DLC1: variants seen among roughly 807,000 people sequenced by gnomAD.
The protein encoded by DLC1 is DLC1 Rho GTPase activating protein, also known as rho GTPase-activating protein 7.
DLC1 carries 54 observed loss-of-function variants against 140.3 expected under a neutral mutation model. The observed-to-expected ratio is 0.38, with a 90% CI of 0.31 to 0.48. The LOEUF is 0.48. Ranked by LOEUF, DLC1 falls within the 20% of genes least tolerant of loss-of-function variation. The pLI is 0.96. For synonymous variants in DLC1, 986 were observed against 728.1 expected (o/e 1.35, Z -5.70); for missense variants, 2,536 against 1,907.0 (o/e 1.33, Z -6.14).
At position 13,085,107 on chromosome 8, in the gene DLC1, C is replaced by G. The variant is rs1455002426; in HGVS notation, c.*704G>C. On this transcript the variant is annotated 3_prime_UTR_variant, in exon 18 of 18. Transcript: ENST00000276297. Reference sequence around the variant, plus strand: ...CATTTGGAATGGGTGTAAGAGCCAACCTATTACAATCAAAGTACAGAAGAG... The same window carrying G: ...CATTTGGAATGGGTGTAAGAGCCAAGCTATTACAATCAAAGTACAGAAGAG... 2 of 152,084 alleles carry G rather than the reference C, an allele frequency of 1.3e-5. No homozygotes were observed. Among genetic ancestry groups the G allele is most frequent in the Non-Finnish European group, 2.9e-5 (2 of 68,032 alleles). The allele number at this position is 152,084 out of a possible 1,614,324, so 9.4% of individuals were successfully genotyped here. A position where few individuals can be genotyped will look rare whatever the true frequency, so the allele number is the denominator to read the frequency against.
At chr8:13,569,988 A>C (rs1304212401) in intron 1 of DLC1, among the ~76,000 whole-genome samples, 1 of 152,204 alleles carries the variant, frequency 6.6e-6, no homozygotes, top group Non-Finnish European at 1.5e-5. Context: ...AGCCTTCCCA[A>C]GTGCTGGGAT....
chr8:13,219,197 A>ATTATAATAT (rs1563174470), intron 5 of DLC1, among the ~76,000 whole-genome samples: 10 of 131,026 alleles, frequency 7.6e-5, no homozygotes, highest in South Asian at 4.7e-4. Context: ...TAACTATATA[A>ATTATAATAT]GAATATAATT....
chr8:13,457,561 G>T (rs28655169), intron 2 of DLC1, among the ~76,000 whole-genome samples: 1 of 150,632 alleles, frequency 6.6e-6, no homozygotes, highest in Admixed American at 6.6e-5. Context: ...CCTGTAGCCC[G>T]AGCTACTCGG....
At chr8:13,545,509 TGCATTGTATGACAA>T (rs1389739052) in intron 1 of DLC1, among the ~76,000 whole-genome samples, 17 of 152,064 alleles carry the variant, frequency 1.1e-4, no homozygotes, top group African/African-American at 4.1e-4. Flanking sequence ...TGGATCATGA[TGCATTGTATGACAA>T]GGTTTACTCT....
chr8:13,568,591 T>G (rs2117404355), intron 1 of DLC1, among the ~76,000 whole-genome samples: 1 of 152,212 alleles, frequency 6.6e-6, no homozygotes, highest in East Asian at 1.9e-4. Flanking sequence ...TGGAAATGAA[T>G]AAGAAGAGAA....
At chr8:13,529,842 A>AT (rs991118808) in intron 1 of DLC1, among the ~76,000 whole-genome samples, 14 of 152,012 alleles carry the variant, frequency 9.2e-5, no homozygotes, top group African/African-American at 2.7e-4. Context: ...ATAACAATAT[A>AT]TTTTTTTTCT....
chr8:13,327,475 T>G (rs1298670634), intron 4 of DLC1, among the ~76,000 whole-genome samples: 1 of 139,492 alleles, frequency 7.2e-6, no homozygotes, highest in East Asian at 2.0e-4. Flanking sequence ...TTCTGGCATT[T>G]TTTTTTCTTT....
At chr8:13,427,938 T>C (rs1335847826) in intron 2 of DLC1, among the ~76,000 whole-genome samples, 1 of 152,178 alleles carries the variant, frequency 6.6e-6, no homozygotes, top group Non-Finnish European at 1.5e-5. Flanking sequence ...CATTCCACAC[T>C]CTGACTGCTT....
chr8:13,150,486 C>G (rs1227095857), intron 5 of DLC1, among the ~76,000 whole-genome samples: 5 of 152,018 alleles, frequency 3.3e-5, no homozygotes, highest in African/African-American at 9.7e-5. Context: ...GGTGTGTAAC[C>G]CTTATCATGT....
At chr8:13,120,370 T>TATATATATATAAAA (rs369581778) in intron 5 of DLC1, among the ~76,000 whole-genome samples, 16 of 110,866 alleles carry the variant, frequency 1.4e-4, no homozygotes, top group East Asian at 5.3e-4. Context: ...TATATATATA[T>TATATATATATAAAA]AAAATGTATA....
At chr8:13,506,581 G>GTATATATATATATATA (rs36209609) in intron 1 of DLC1, among the ~76,000 whole-genome samples, 9 of 131,076 alleles carry the variant, frequency 6.9e-5, no homozygotes, top group African/African-American at 2.9e-4. Flanking sequence ...GTGTGTGTGT[G>GTATATATATATATATA]TATATATATA....
intron 5 of DLC1, among the ~76,000 whole-genome samples, chr8:13,154,221 T>C (rs1585787573): frequency 6.6e-6 from 1 of 152,232 alleles, no homozygotes; most frequent in Non-Finnish European, 1.5e-5. Context: ...CTTGCGCTCC[T>C]CAGCCCTCGG....
chr8:13,226,279 C>G (rs1237876022), intron 5 of DLC1, among the ~76,000 whole-genome samples: 1 of 152,100 alleles, frequency 6.6e-6, no homozygotes, highest in Non-Finnish European at 1.5e-5. Context: ...TTGGAAATTT[C>G]TCTAGAAAAT....
intron 5 of DLC1, among the ~76,000 whole-genome samples, chr8:13,211,819 CA>C (rs1310670777): frequency 2.6e-5 from 4 of 152,078 alleles, no homozygotes; most frequent in Admixed American, 6.5e-5. Context: ...GAAAAGAAAA[CA>C]AACCCCCAAA....
intron 1 of DLC1, among the ~76,000 whole-genome samples, chr8:13,523,756 T>C (rs1285054269): frequency 6.6e-6 from 1 of 152,000 alleles, no homozygotes; most frequent in Non-Finnish European, 1.5e-5. Flanking sequence ...GAGACACAAA[T>C]AAAGGAGAGA....
chr8:13,446,505 A>G (rs1451392109), intron 2 of DLC1, among the ~76,000 whole-genome samples: 1 of 152,024 alleles, frequency 6.6e-6, no homozygotes, highest in East Asian at 1.9e-4. Flanking sequence ...CATACACTGG[A>G]GCCAGTGAAC....
chr8:13,567,904 C>G (rs1343300562), intron 1 of DLC1: 4 of 1,551,852 alleles, frequency 2.6e-6, no homozygotes, highest in East Asian at 2.4e-5. Flanking sequence ...TCTCAAGCGA[C>G]TTACTCTAAT....
chr8:13,388,241 T>A (rs987104459), intron 4 of DLC1, among the ~76,000 whole-genome samples: 2 of 151,988 alleles, frequency 1.3e-5, no homozygotes, highest in Admixed American at 6.6e-5. Context: ...GCATTATAAT[T>A]TTTATTTTTA....
At chr8:13,442,127 G>T (rs1423615885) in intron 2 of DLC1, among the ~76,000 whole-genome samples, 4 of 152,122 alleles carry the variant, frequency 2.6e-5, no homozygotes, top group Non-Finnish European at 5.9e-5. Context: ...TTAATAAATG[G>T]TGCTGGGAAA....
Sources: gnomAD v4.1 joint callset for allele counts (sites outside exome capture counted in the v4.1 genomes callset) on GRCh38, gnomAD v4.1.1 for gene constraint, MANE v1.5 for transcripts, NCBI Gene and HGNC (gene_info 2026-07-23, HGNC 2026-07-21) for gene names.